TSPAN12: variants seen among roughly 807,000 people sequenced by gnomAD.
TSPAN12 encodes the protein tetraspanin-12.
Under a neutral mutation model 39.2 loss-of-function variants are expected in TSPAN12, and 19 were observed. That is an observed-to-expected ratio of 0.49 (90% confidence interval 0.34 to 0.71). The LOEUF (loss-of-function observed/expected upper bound fraction) is 0.71. Ranked by LOEUF, TSPAN12 falls within the 30% of genes least tolerant of loss-of-function variation. The pLI, the probability that TSPAN12 is intolerant of heterozygous loss-of-function variation, is 0.01. For missense variants in TSPAN12, 314 were observed against 359.9 expected (o/e 0.87, Z 1.03); for synonymous variants, 119 against 124.8 (o/e 0.95, Z 0.31).
chr7:120,811,527 C>T (rs1056478508), intron 5 of TSPAN12, among the ~76,000 whole-genome samples: 6 of 151,662 alleles, frequency 4.0e-5, no homozygotes, highest in African/African-American at 1.2e-4. Context: ...AAAAATTAGC[C>T]GGTGTAGTGG....
chr7:120,794,486 C>T (rs2116299087), intron 7 of TSPAN12, among the ~76,000 whole-genome samples: 1 of 152,330 alleles, frequency 6.6e-6, no homozygotes, highest in South Asian at 2.1e-4. Context: ...CCCCCCATCT[C>T]TCTCTCCGGT....
intron 4 of TSPAN12, among the ~76,000 whole-genome samples, chr7:120,818,835 CTTACT>C (rs1205494301): frequency 1.3e-5 from 2 of 151,974 alleles, no homozygotes; most frequent in African/African-American, 2.4e-5. Flanking sequence ...ATTTCTAGGC[CTTACT>C]TTAAAGATTT....
rs1186619482 is a variant in TSPAN12, at chr7:120,787,904, C to G, written c.*688G>C. On this transcript the variant is annotated 3_prime_UTR_variant, in exon 8 of 8. Coordinates refer to ENST00000222747, the MANE Select transcript of TSPAN12 (RefSeq NM_012338.4). ...ACAGGAAAGGCTAAAAATAATGATG[C>G]TATACAGGACAAATTTTCCTTTTCA... 6.5e-6 allele frequency: 1 copy of G among 152,784 alleles called. No homozygotes were observed. Among genetic ancestry groups the G allele is most frequent in the African/African-American group, 2.4e-5 (1 of 41,414 alleles). The allele number at this position is 152,784 out of a possible 1,614,324, so 9.5% of individuals were successfully genotyped here.
intron 4 of TSPAN12, among the ~76,000 whole-genome samples, chr7:120,835,842 G>A (rs974566700): frequency 6.6e-6 from 1 of 152,212 alleles, no homozygotes; most frequent in East Asian, 1.9e-4. Context: ...GTACTGAGAA[G>A]AAATTTCTGG....
At chr7:120,802,334 C>T (rs184781069) in intron 7 of TSPAN12, among the ~76,000 whole-genome samples, 1 of 152,262 alleles carries the variant, frequency 6.6e-6, no homozygotes, top group Admixed American at 6.5e-5. Context: ...AACACTGTTC[C>T]CCAGCATGGG....
At chr7:120,837,220 C>T (rs947357670) in intron 4 of TSPAN12, among the ~76,000 whole-genome samples, 5 of 152,156 alleles carry the variant, frequency 3.3e-5, no homozygotes, top group African/African-American at 9.7e-5. Context: ...CAAATTTCCA[C>T]CATTCTCCCT....
chr7:120,822,218 C>T (rs541312623), intron 4 of TSPAN12, among the ~76,000 whole-genome samples: 16 of 152,144 alleles, frequency 1.1e-4, no homozygotes, highest in African/African-American at 3.6e-4. Context: ...TAATTCCCCC[C>T]ACTTTTAAAG....
chr7:120,825,924 A>G (rs1794277784), intron 4 of TSPAN12, among the ~76,000 whole-genome samples: 1 of 152,194 alleles, frequency 6.6e-6, no homozygotes, highest in East Asian at 1.9e-4. Context: ...AAAAAGTCAA[A>G]GAATCAGGTC....
intron 4 of TSPAN12, among the ~76,000 whole-genome samples, chr7:120,823,947 A>G (rs1326772296): frequency 6.6e-6 from 1 of 152,198 alleles, no homozygotes; most frequent in Non-Finnish European, 1.5e-5. Flanking sequence ...AGGACTTTAA[A>G]TATGTTTTAC....
At chr7:120,806,482 G>A in intron 7 of TSPAN12, 67 bp downstream of exon 7, 1 of 1,573,584 alleles carries the variant, frequency 6.4e-7, no homozygotes. Context: ...TTGGCATATT[G>A]TTGATTCTTT....
In TSPAN12 at chr7:120,788,482, T is replaced by A; in HGVS notation, c.*110A>T. On this transcript the variant is annotated 3_prime_UTR_variant, in exon 8 of 8. Coordinates refer to ENST00000222747, the MANE Select transcript of TSPAN12 (RefSeq NM_012338.4). Reference sequence around the variant, plus strand: ...TAGAATAGTATATGCTTAGGTGTTATTTTATGGCAACATTTTTATTTCTAC... The same window carrying A: ...TAGAATAGTATATGCTTAGGTGTTAATTTATGGCAACATTTTTATTTCTAC... 1 of 1,387,476 alleles carries A rather than the reference T, an allele frequency of 7.2e-7. No homozygotes were observed. The highest frequency in any genetic ancestry group is 1.0e-6 in the Non-Finnish European group (1 of 985,630). 85.9% of individuals were successfully genotyped at this position (1,387,476 alleles called of 1,614,324 possible).
chr7:120,805,652 A>G (rs1393776305), intron 7 of TSPAN12, among the ~76,000 whole-genome samples: 2 of 152,068 alleles, frequency 1.3e-5, no homozygotes, highest in African/African-American at 2.4e-5. Flanking sequence ...TCCATTCTAG[A>G]TAAAGACTGC....
intron 7 of TSPAN12, among the ~76,000 whole-genome samples, chr7:120,798,168 G>A (rs1793669040): frequency 6.6e-6 from 1 of 152,196 alleles, no homozygotes; most frequent in South Asian, 2.1e-4. Context: ...AAAGAAGAAT[G>A]CATTTGTATA....
chr7:120,807,707 T>A (rs186818415), intron 6 of TSPAN12, among the ~76,000 whole-genome samples: 1 of 152,160 alleles, frequency 6.6e-6, no homozygotes, highest in East Asian at 1.9e-4. Flanking sequence ...GAACTTCTCA[T>A]GCAAAAGGAA....
intron 4 of TSPAN12, among the ~76,000 whole-genome samples, chr7:120,830,220 T>C (rs1199719732): frequency 6.6e-6 from 1 of 152,170 alleles, no homozygotes; most frequent in African/African-American, 2.4e-5. Flanking sequence ...ATGTCCATAC[T>C]ATCCAAAGTG....
At chr7:120,825,059 T>C (rs1794259266) in intron 4 of TSPAN12, among the ~76,000 whole-genome samples, 1 of 152,172 alleles carries the variant, frequency 6.6e-6, no homozygotes, top group South Asian at 2.1e-4. Context: ...GAAAAGGCAA[T>C]TGTTTTCCAA....
chr7:120,843,039 C>T (rs1201780781), intron 2 of TSPAN12, among the ~76,000 whole-genome samples: 1 of 151,306 alleles, frequency 6.6e-6, no homozygotes, highest in Non-Finnish European at 1.5e-5. Context: ...TATTTTAATC[C>T]ACAAATTAGA....
intron 4 of TSPAN12, among the ~76,000 whole-genome samples, chr7:120,818,030 G>A (rs1198649845): frequency 2.6e-5 from 4 of 152,078 alleles, no homozygotes; most frequent in Non-Finnish European, 5.9e-5. Flanking sequence ...TTTTGATAAA[G>A]GTGATCTTTA....
chr7:120,829,850 G>A (rs903917009), intron 4 of TSPAN12, among the ~76,000 whole-genome samples: 6 of 152,100 alleles, frequency 3.9e-5, no homozygotes, highest in African/African-American at 1.4e-4. Flanking sequence ...GGTTTAAAAT[G>A]CTTACGGTGA....
Sources: allele counts gnomAD v4.1 joint callset (sites outside exome capture counted in the v4.1 genomes callset), GRCh38; gene constraint gnomAD v4.1.1; transcripts MANE v1.5; gene names NCBI Gene and HGNC (gene_info 2026-07-23, HGNC 2026-07-21).